GDPD5: variants seen among roughly 807,000 people sequenced by gnomAD.
GDPD5 encodes the protein glycerophosphodiester phosphodiesterase 2.
In GDPD5, 48 loss-of-function variants were observed where a neutral mutation model predicts 75.1. That is an observed-to-expected ratio of 0.64 (90% CI 0.51 to 0.81). GDPD5 has a LOEUF of 0.81. Among genes scored for constraint, GDPD5 ranks in the 40% least tolerant of loss-of-function variants. The probability of loss-of-function intolerance (pLI) is 0.00; values close to 1 mark genes in which losing one functional copy is unlikely to be tolerated. For synonymous variants in GDPD5, 336 were observed against 339.0 expected (o/e 0.99, Z 0.10); for missense variants, 706 against 822.6 (o/e 0.86, Z 1.73).
chr11:75,520,322 C>A (rs775119462), intron 1 of GDPD5, among the ~76,000 whole-genome samples: 6 of 152,130 alleles, frequency 3.9e-5, no homozygotes, highest in Admixed American at 6.5e-5. Context: ...ACCCCACTTC[C>A]TTCATCTCAT....
At chr11:75,513,887 G>A (rs1950583745) in intron 1 of GDPD5, among the ~76,000 whole-genome samples, 3 of 152,328 alleles carry the variant, frequency 2.0e-5, no homozygotes, top group Admixed American at 6.5e-5. Context: ...TAGAGGGCAC[G>A]GCCTGGCCCA....
At chr11:75,486,169 C>T (rs867376033) in intron 2 of GDPD5, among the ~76,000 whole-genome samples, 1 of 152,192 alleles carries the variant, frequency 6.6e-6, no homozygotes, top group African/African-American at 2.4e-5. Context: ...TCTCTCCTCA[C>T]CCCCAGTAGC....
At chr11:75,441,338 C>T in intron 13 of GDPD5, 28 bp from the exon 14 acceptor site, 1 of 1,613,366 alleles carries the variant, frequency 6.2e-7, no homozygotes, top group South Asian at 1.1e-5. Context: ...GGCAGGTCAG[C>T]ATGCGGACCC....
chr11:75,511,875 G>C, intron 1 of GDPD5, among the ~76,000 whole-genome samples: 1 of 152,202 alleles, frequency 6.6e-6, no homozygotes, highest in Non-Finnish European at 1.5e-5. Context: ...TTGGGCGGGG[G>C]GACCCCATCC....
intron 2 of GDPD5, among the ~76,000 whole-genome samples, chr11:75,489,850 T>G (rs1950078627): frequency 6.6e-6 from 1 of 152,000 alleles, no homozygotes; most frequent in African/African-American, 2.4e-5. Flanking sequence ...GCAATCTTCC[T>G]GCCTCAGCCT....
intron 1 of GDPD5, among the ~76,000 whole-genome samples, chr11:75,518,453 C>T (rs1246692710): frequency 6.6e-6 from 1 of 152,176 alleles, no homozygotes; most frequent in Non-Finnish European, 1.5e-5. Context: ...ACTGAAATCA[C>T]CAGGGGAGCT....
intron 1 of GDPD5, among the ~76,000 whole-genome samples, chr11:75,509,846 A>G (rs1056550470): frequency 6.6e-6 from 1 of 152,094 alleles, no homozygotes; most frequent in Non-Finnish European, 1.5e-5. Context: ...AGCCCGGCTA[A>G]TTTTTGTATT....
intron 2 of GDPD5, 150 bp downstream of exon 2, chr11:75,490,087 T>G (rs529045981): frequency 6.6e-6 from 1 of 152,252 alleles, no homozygotes; most frequent in East Asian, 1.9e-4. Flanking sequence ...AGCTTCAGTT[T>G]TTTCCTGTCC....
chr11:75,498,165 A>C (rs1403300488), intron 1 of GDPD5, among the ~76,000 whole-genome samples: 1 of 152,190 alleles, frequency 6.6e-6, no homozygotes, highest in South Asian at 2.1e-4. Context: ...TTGTGATGTC[A>C]CAGGGGACAG....
intron 1 of GDPD5, among the ~76,000 whole-genome samples, chr11:75,523,637 C>T (rs1329887254): frequency 1.3e-5 from 2 of 152,162 alleles, no homozygotes; most frequent in African/African-American, 4.8e-5. Context: ...CCCTCCTCTG[C>T]TTCACTCTAG....
At chr11:75,482,878 T>G (rs1037408455) in intron 2 of GDPD5, among the ~76,000 whole-genome samples, 1 of 152,226 alleles carries the variant, frequency 6.6e-6, no homozygotes, top group African/African-American at 2.4e-5. Context: ...TGGGATGGTC[T>G]GCATTAACCC....
intron 2 of GDPD5, among the ~76,000 whole-genome samples, chr11:75,489,257 T>C (rs1269689950): frequency 6.6e-6 from 1 of 152,244 alleles, no homozygotes; most frequent in Non-Finnish European, 1.5e-5. Context: ...CACATTTCTG[T>C]ACCATATCTA....
In GDPD5 at chr11:75,451,678, CCCTG is replaced by C. The variant is rs1949158501; in HGVS notation, c.376-1699_376-1696del. On this transcript the variant is annotated intron_variant, in intron 6 of 16. Transcript: ENST00000336898. ...CCCTTGTGGCCATCGTGGGAGGTGG[CCCTG>C]CACACAGTGAGTTAAGGATGGTTTC... 4 of 152,196 alleles carry C rather than the reference CCCTG, an allele frequency of 2.6e-5. No homozygotes were observed. The South Asian group carries it at 8.3e-4, about 32-fold the overall frequency. The allele number at this position is 152,196 out of a possible 1,614,324, so 9.4% of individuals were successfully genotyped here.
intron 1 of GDPD5, among the ~76,000 whole-genome samples, chr11:75,523,778 C>A (rs1941558241): frequency 6.6e-6 from 1 of 152,230 alleles, no homozygotes; most frequent in South Asian, 2.1e-4. Context: ...TAGAGGGAAT[C>A]CCAAGCCCCT....
At chr11:75,439,555 C>A (rs1948728184) in intron 15 of GDPD5, among the ~76,000 whole-genome samples, 1 of 152,070 alleles carries the variant, frequency 6.6e-6, no homozygotes, top group Non-Finnish European at 1.5e-5. Context: ...GAGCACACCC[C>A]AGCTATCTTG....
At position 75,436,165 on chromosome 11, in the gene GDPD5, G is replaced by C. The variant is rs561213003; in HGVS notation, c.1670-510C>G. On this transcript the variant is annotated intron_variant, in intron 16 of 16. Transcript: ENST00000336898. ...CAAAATACCTCAAGGACCAGGGTGG[G>C]TTCTGGGCATCTATGTCCCCAGGGC... 2.4e-3 allele frequency among the ~76,000 whole-genome samples: 366 copies of C among 152,316 alleles called. 2 individuals are homozygous for C. The highest frequency in any genetic ancestry group is 8.2e-3 in the African/African-American group (340 of 41,558).
At chr11:75,444,574 T>C (rs1274531922) in intron 9 of GDPD5, 79 bp from the exon 10 acceptor site, 4 of 1,127,394 alleles carry the variant, frequency 3.5e-6, no homozygotes, top group Non-Finnish European at 5.4e-6. Context: ...GTCTTTCATG[T>C]TGGGAGGCTG....
chr11:75,488,706 G>T (rs1342559422), intron 2 of GDPD5, among the ~76,000 whole-genome samples: 1 of 152,176 alleles, frequency 6.6e-6, no homozygotes, highest in Non-Finnish European at 1.5e-5. Context: ...AGCTTGGGCT[G>T]ATTCCCCCCA....
intron 9 of GDPD5, among the ~76,000 whole-genome samples, chr11:75,447,189 T>C (rs1949006521): frequency 6.6e-6 from 1 of 152,126 alleles, no homozygotes; most frequent in African/African-American, 2.4e-5. Context: ...AGCCGGGGGA[T>C]TGTTACAAAT....
Sources: allele counts gnomAD v4.1 joint callset (sites outside exome capture counted in the v4.1 genomes callset), GRCh38; gene constraint gnomAD v4.1.1; transcripts MANE v1.5; gene names NCBI Gene and HGNC (gene_info 2026-07-23, HGNC 2026-07-21).